NLRP5: variants seen among roughly 807,000 people sequenced by gnomAD.
NLRP5 encodes the protein NLR family pyrin domain containing 5.
A neutral mutation model predicts 113.1 loss-of-function variants in NLRP5; 93 were observed. The ratio of observed to expected loss-of-function variants is 0.82; its 90% CI spans 0.70 to 0.98. NLRP5 has a LOEUF of 0.98. NLRP5 is among the 50% of genes least tolerant of loss of function. NLRP5 has a pLI of 0.00. For synonymous variants in NLRP5, 751 were observed against 600.7 expected (o/e 1.25, Z -3.66); for missense variants, 1,808 against 1,514.3 (o/e 1.19, Z -3.22).
At chr19:56,024,451 A>G (rs1471751184) in intron 6 of NLRP5, among the ~76,000 whole-genome samples, 4 of 146,812 alleles carry the variant, frequency 2.7e-5, no homozygotes, top group Admixed American at 6.8e-5. Context: ...ATATTTATAT[A>G]TACGTACATA....
In NLRP5 at chr19:56,010,935, C is replaced by T. The variant is rs371165233; in HGVS notation, c.508+2082C>T. On this transcript the variant is annotated intron_variant, in intron 3 of 14. Coordinates refer to ENST00000390649, the MANE Select transcript of NLRP5 (RefSeq NM_153447.4). ...GGGAGGCTGAGGCAGGCAGATTGCT[C>T]GAACCCAGGAGTTCGAGACCAACCT... 3.2e-4 allele frequency among the ~76,000 whole-genome samples: 48 copies of T among 151,620 alleles called. No homozygotes were observed. In the South Asian group the frequency reaches 9.0e-3, roughly 28 times the overall value.
intron 3 of NLRP5, 38 bp downstream of exon 3, chr19:56,008,891 A>T (rs754026421): frequency 7.0e-6 from 11 of 1,573,092 alleles, no homozygotes; most frequent in African/African-American, 6.7e-5. Context: ...GGATGTGCTT[A>T]AAGACACATG....
At chr19:56,000,238 A>G (rs1056513791) in intron 1 of NLRP5, among the ~76,000 whole-genome samples, 3 of 152,190 alleles carry the variant, frequency 2.0e-5, no homozygotes, top group African/African-American at 7.2e-5. Context: ...CTTTTCAATG[A>G]CAATTGTCCA....
Position 56,036,313 on chromosome 19 carries a change from C to T in NLRP5, c.2616-1712C>T, listed in dbSNP as rs549394871. Among the ~76,000 whole-genome samples, 66 of 151,724 alleles carry T rather than the reference C, an allele frequency of 4.4e-4. No homozygotes were observed. In the South Asian group the frequency reaches 8.9e-3, roughly 21 times the overall value. The stretch of plus-strand genomic sequence containing the variant: ...CGATCTCCTGACCTCGTGATCTGCC[C>T]GCCTCGGCCTCCCAAAGTGCTGGGA... On this transcript the variant is annotated intron_variant, in intron 9 of 14. Transcript: ENST00000390649.
Position 56,040,902 on chromosome 19 carries a change from C to T in NLRP5, c.2787-20C>T. 6.2e-7 allele frequency: 1 copy of T among 1,610,452 alleles called. No homozygotes were observed. Among genetic ancestry groups the T allele is most frequent in the Non-Finnish European group, 8.5e-7 (1 of 1,177,644 alleles). On this transcript the variant is annotated intron_variant, in intron 10 of 14. Coordinates refer to ENST00000390649, the MANE Select transcript of NLRP5 (RefSeq NM_153447.4). Reference sequence around the variant, plus strand: ...AAGAAGGCATCTCATCATGTCCTCTCTGGGGCTCTCTTCTTGCAGACTGGA... The same window carrying T: ...AAGAAGGCATCTCATCATGTCCTCTTTGGGGCTCTCTTCTTGCAGACTGGA...
Position 56,013,596 on chromosome 19 carries a change from G to GGTTTTTTTTTTTTTTTTTTTTTTTT in NLRP5, c.509-2146_509-2145insGTTTTTTTTTTTTTTTTTTTTTTTT, listed in dbSNP as rs1555765383. ...CATTTATCACATGATGGACATTTGG[G>GGTTTTTTTTTTTTTTTTTTTTTTTT]TTTTTTTTTTTTTTTTTTTTTGCTA... On this transcript the variant is annotated intron_variant, in intron 3 of 14. Transcript: ENST00000390649. Among the ~76,000 whole-genome samples, 19 of 59,286 alleles carry GGTTTTTTTTTTTTTTTTTTTTTTTT rather than the reference G, an allele frequency of 3.2e-4. 1 individual carries two copies. Among genetic ancestry groups the GGTTTTTTTTTTTTTTTTTTTTTTTT allele is most frequent in the African/African-American group, 5.2e-4 (6 of 11,540 alleles). 38.9% of individuals were successfully genotyped at this position (59,286 alleles called of 152,430 possible). A position where few individuals can be genotyped will look rare whatever the true frequency, so the allele number is the denominator to read the frequency against.
chr19:56,037,133 G>C (rs1010638088), intron 9 of NLRP5, among the ~76,000 whole-genome samples: 2 of 152,236 alleles, frequency 1.3e-5, no homozygotes, highest in Admixed American at 1.3e-4. Flanking sequence ...AAGCTATTCG[G>C]TTAACAGGGA....
chr19:55,990,599 G>T, the NLRP5 span, among the ~76,000 whole-genome samples: 1 of 152,030 alleles, frequency 6.6e-6, no homozygotes, highest in Non-Finnish European at 1.5e-5. Context: ...GGCCCAGGCG[G>T]GTGGATCATG....
chr19:56,038,331 C>G, intron 10 of NLRP5, 136 bp downstream of exon 10: 1 of 862,718 alleles, frequency 1.2e-6, no homozygotes, highest in Non-Finnish European at 1.9e-6. Flanking sequence ...TGGGACCTCC[C>G]AAGACCTGCC....
the NLRP5 span, among the ~76,000 whole-genome samples, chr19:55,989,988 G>A: frequency 0.19 from 28,424 of 150,836 alleles, 3,506 homozygotes; most frequent in Non-Finnish European, 0.25. Flanking sequence ...CATGTCAAAC[G>A]TAGTACATCA....
intron 11 of NLRP5, among the ~76,000 whole-genome samples, chr19:56,043,484 G>A (rs968936433): frequency 2.1e-5 from 3 of 145,916 alleles, no homozygotes; most frequent in African/African-American, 7.7e-5. Context: ...TTGTAGACTC[G>A]ACTCTAGATT....
intron 11 of NLRP5, among the ~76,000 whole-genome samples, chr19:56,049,819 C>T (rs1370840528): frequency 6.6e-6 from 1 of 152,044 alleles, no homozygotes; most frequent in Admixed American, 6.6e-5. Flanking sequence ...AGCTTAATAA[C>T]TAAGCTCCTG....
intron 12 of NLRP5, 94 bp from the exon 13 acceptor site, chr19:56,053,544 A>C: frequency 8.8e-7 from 1 of 1,137,220 alleles, no homozygotes; most frequent in Non-Finnish European, 1.3e-6. Context: ...TCAGGAAGGA[A>C]TAAAGGAAAC....
chr19:56,041,257 GA>G (rs1317263938), intron 11 of NLRP5, among the ~76,000 whole-genome samples, 165 bp downstream of exon 11: 1 of 152,086 alleles, frequency 6.6e-6, no homozygotes, highest in Non-Finnish European at 1.5e-5. Flanking sequence ...TCCTTTCTTG[GA>G]AAATTCTGTG....
Position 56,022,083 on chromosome 19 carries a change from C to G in NLRP5, c.679+1652C>G, listed in dbSNP as rs553783327. 5.3e-5 allele frequency among the ~76,000 whole-genome samples: 8 copies of G among 152,278 alleles called. No individual in the cohort carries two copies. The South Asian group carries it at 1.7e-3, about 32-fold the overall frequency. ...AAAAACTAATGGTTGCCAGTGTTGTCAACTTTAAATTGGGACGAATAATAT... is the reference window on the plus strand; with the variant it reads ...AAAAACTAATGGTTGCCAGTGTTGTGAACTTTAAATTGGGACGAATAATAT... On this transcript the variant is annotated intron_variant, in intron 6 of 14. Transcript: ENST00000390649.
At position 56,032,706 on chromosome 19, in the gene NLRP5, G is replaced by A; in HGVS notation, c.2372G>A (p.Ser791Asn). 1 of 1,613,604 alleles carries A rather than the reference G, an allele frequency of 6.2e-7. No homozygotes were observed. Among genetic ancestry groups the A allele is most frequent in the Non-Finnish European group, 8.5e-7 (1 of 1,179,794 alleles). The change falls in exon 8 of 15, where the codon AGC (serine) becomes AAC (asparagine). Residue 791 changes from serine to asparagine, a missense_variant. Transcript: ENST00000390649. Reference sequence around the variant, plus strand: ...CTGCGGCAGCTGGACCTGGGCAGCAGCATCCTGACAGAGCGGGCCATGAAG... The same window carrying A: ...CTGCGGCAGCTGGACCTGGGCAGCAACATCCTGACAGAGCGGGCCATGAAG...
the NLRP5 span, among the ~76,000 whole-genome samples, chr19:55,994,689 C>T: frequency 6.6e-6 from 1 of 152,212 alleles, no homozygotes; most frequent in African/African-American, 2.4e-5. Flanking sequence ...AGCCACTGTG[C>T]CCAGCCAGGT....
At chr19:56,048,135 C>T (rs1355820628) in intron 11 of NLRP5, among the ~76,000 whole-genome samples, 1 of 152,138 alleles carries the variant, frequency 6.6e-6, no homozygotes, top group Admixed American at 6.6e-5. Flanking sequence ...CTCCTGAAGG[C>T]AGCAGATGGT....
At chr19:56,046,609 C>T (rs1448436217) in intron 11 of NLRP5, among the ~76,000 whole-genome samples, 1 of 151,918 alleles carries the variant, frequency 6.6e-6, no homozygotes, top group East Asian at 1.9e-4. Flanking sequence ...GGCGCGATCT[C>T]GGCTCACTGC....
Sources: gnomAD v4.1 joint callset for allele counts (sites outside exome capture counted in the v4.1 genomes callset) on GRCh38, gnomAD v4.1.1 for gene constraint, MANE v1.5 for transcripts, NCBI Gene and HGNC (gene_info 2026-07-23, HGNC 2026-07-21) for gene names.